Variants in DMBT1 observed in about 807,000 individuals in gnomAD.
DMBT1 encodes the protein scavenger receptor cysteine-rich domain-containing protein DMBT1.
A neutral mutation model predicts 252.9 loss-of-function variants in DMBT1; 198 were observed. The ratio of observed to expected loss-of-function variants is 0.78; its 90% confidence interval spans 0.70 to 0.88. The LOEUF (loss-of-function observed/expected upper bound fraction) is 0.88. Among genes scored for constraint, DMBT1 ranks in the 40% least tolerant of loss-of-function variants. DMBT1 has a pLI of 0.00. For missense variants in DMBT1, 2,432 were observed against 2,404.7 expected (o/e 1.01, Z -0.24); for synonymous variants, 990 against 942.7 (o/e 1.05, Z -0.92).
chr10:122,591,660 T>A, intron 19 of DMBT1, 143 bp downstream of exon 19: 5 of 988,410 alleles, frequency 5.1e-6, no homozygotes, highest in Non-Finnish European at 7.6e-6. Context: ...GTTGAGTCTC[T>A]GGGGAACCAG....
intron 9 of DMBT1, 128 bp downstream of exon 9, chr10:122,578,887 C>A: frequency 1.1e-6 from 1 of 913,476 alleles, no homozygotes; most frequent in Non-Finnish European, 1.7e-6. Context: ...AGGGTGGCAG[C>A]AGGTGATAAA....
chr10:122,592,903 G>A (rs150854563), intron 20 of DMBT1, among the ~76,000 whole-genome samples: 6 of 148,662 alleles, frequency 4.0e-5, no homozygotes, highest in Admixed American at 3.3e-4. Context: ...CAGCTGAGTA[G>A]CACTGGGTGA....
rs565855483 is a variant in DMBT1, at chr10:122,627,456, G to A, written c.5668+1491G>A. 8.6e-5 allele frequency among the ~76,000 whole-genome samples: 13 copies of A among 151,924 alleles called. No individual in the cohort carries two copies. The South Asian group carries it at 1.5e-3, about 17-fold the overall frequency. On this transcript the variant is annotated intron_variant, in intron 46 of 55. Transcript: ENST00000338354. ...TACTTTTTTCATGACCTTAAAATTA[G>A]CATTTTTATAACATTGAAATTATTT...
At position 122,579,713 on chromosome 10, in the gene DMBT1, G is replaced by A. The variant is rs2097749418; in HGVS notation, c.815G>A (p.Cys272Tyr). The A allele has an allele frequency of 2.5e-6, 4 of 1,613,884 alleles. No individual in the cohort carries two copies. The highest frequency in any genetic ancestry group is 2.5e-6 in the Non-Finnish European group (3 of 1,179,814). Reference protein sequence around the residue: ...YWDTNDANVVCRQLGCGWAMS... With the variant: ...YWDTNDANVVYRQLGCGWAMS... ...GACACCAATGATGCCAATGTGGTCT[G>A]CAGGCAGCTGGGCTGTGGCTGGGCC... The change falls in exon 10 of 56, where the codon TGC becomes TAC. Residue 272 changes from cysteine to tyrosine, a missense_variant. Transcript: ENST00000338354.
intron 6 of DMBT1, 134 bp downstream of exon 6, chr10:122,573,896 G>T: frequency 8.9e-7 from 1 of 1,124,550 alleles, no homozygotes; most frequent in Admixed American, 1.8e-5. Context: ...TTCCACAAAA[G>T]GCCTCAGGTC....
rs1037140610 is a variant in DMBT1, at chr10:122,585,421, C to T, written c.1459+112C>T. 2.2e-5 allele frequency: 29 copies of T among 1,344,670 alleles called. No homozygotes were observed. In the African/African-American group the frequency reaches 3.6e-4, roughly 17 times the overall value. The allele number at this position is 1,344,670 out of a possible 1,614,324, so 83.3% of individuals were successfully genotyped here. ...GTGGGCCCCTCTGTTTTTCATGTCC[C>T]TGTGGGTTGCATGGGAGGAAGGTAG... On this transcript the variant is annotated intron_variant, in intron 15 of 55. Coordinates refer to ENST00000338354, the MANE Select transcript of DMBT1 (RefSeq NM_001377530.1).
rs1484077425 is a variant in DMBT1 at position 122,599,930 on chromosome 10, G to A, written c.3281-134G>A. ...GTGCATCTCTGTGGGGATGTGCATGGCAATGCCCCTCCCTGTGTGATAGGA... is the reference window on the plus strand; with the variant it reads ...GTGCATCTCTGTGGGGATGTGCATGACAATGCCCCTCCCTGTGTGATAGGA... On this transcript the variant is annotated intron_variant, in intron 26 of 55. Coordinates refer to ENST00000338354, the MANE Select transcript of DMBT1 (RefSeq NM_001377530.1). The A allele has an allele frequency of 5.3e-6, 7 of 1,328,768 alleles. No individual in the cohort carries two copies. In the African/African-American group the frequency reaches 5.9e-5, roughly 11 times the overall value. The allele number at this position is 1,328,768 out of a possible 1,614,324, so 82.3% of individuals were successfully genotyped here.
chr10:122,641,145 G>C (rs745960684), intron 55 of DMBT1, among the ~76,000 whole-genome samples: 1 of 152,182 alleles, frequency 6.6e-6, no homozygotes, highest in Non-Finnish European at 1.5e-5. Flanking sequence ...GAGGTGCAGA[G>C]GTCAGGCCAG....
intron 8 of DMBT1, 98 bp from the exon 9 acceptor site, chr10:122,578,620 T>C: frequency 2.8e-6 from 3 of 1,064,326 alleles, no homozygotes; most frequent in Admixed American, 2.0e-5. Flanking sequence ...TCGAGTGGAA[T>C]TGTTTTCACA....
intron 50 of DMBT1, 130 bp downstream of exon 50, chr10:122,632,005 G>A (rs1439485973): frequency 8.4e-6 from 9 of 1,076,682 alleles, no homozygotes; most frequent in Non-Finnish European, 1.4e-6. Context: ...TACAGCCCCT[G>A]TCCCCTCCCC....
Position 122,640,122 on chromosome 10 carries a change from G to GT in DMBT1, c.7026dup (p.Ile2343TyrfsTer20). 1 of 1,614,046 alleles carries GT rather than the reference G, an allele frequency of 6.2e-7. No individual in the cohort carries two copies. Among genetic ancestry groups the GT allele is most frequent in the Non-Finnish European group, 8.5e-7 (1 of 1,179,904 alleles). On this transcript the variant is annotated frameshift_variant, in exon 55 of 56. Coordinates refer to ENST00000338354, the MANE Select transcript of DMBT1 (RefSeq NM_001377530.1). LOFTEE classifies it high-confidence loss of function. Reference sequence around the variant, plus strand: ...ATCATCAAGAGGAGGACAGACCTCCGTATTCACGTCAGCTGCAGAATGCTT... The same window carrying GT: ...ATCATCAAGAGGAGGACAGACCTCCGTTATTCACGTCAGCTGCAGAATGCTT...
rs1474245941 is a variant in DMBT1, at chr10:122,592,558, C to T, written c.2463C>T (p.Asn821=). The T allele has an allele frequency of 8.2e-6, 13 of 1,588,492 alleles. 2 individuals carry two copies. The highest frequency in any genetic ancestry group is 2.7e-5 in the African/African-American group (2 of 74,692). ...SCPHNGWLSH[N]CGHHEDAGVI... is the part of the protein sequence containing the mutation. ...CCCACAATGGCTGGCTCTCCCACAA[C>T]TGTGGCCATCATGAAGATGCTGGTG... Residue 821 remains asparagine, a synonymous_variant, in exon 20 of 56, where the codon AAC becomes AAT. Transcript: ENST00000338354.
chr10:122,631,987 C>A, intron 50 of DMBT1, 112 bp downstream of exon 50: 3 of 1,227,570 alleles, frequency 2.4e-6, no homozygotes, highest in Non-Finnish European at 2.4e-6. Context: ...ATCTGTGGTA[C>A]CATCCTCTAC....
chr10:122,622,518 G>T (rs557216534), intron 44 of DMBT1, among the ~76,000 whole-genome samples: 1 of 152,120 alleles, frequency 6.6e-6, no homozygotes, highest in Admixed American at 6.6e-5. Flanking sequence ...TATCTGTGTG[G>T]GCTTCACTAT....
intron 6 of DMBT1, among the ~76,000 whole-genome samples, chr10:122,574,144 A>T (rs1410014329): frequency 6.6e-6 from 1 of 152,186 alleles, no homozygotes; most frequent in African/African-American, 2.4e-5. Context: ...AACGTAGCCA[A>T]ATTGCTAGGA....
At chr10:122,562,744 T>A (rs2097559439) in intron 1 of DMBT1, among the ~76,000 whole-genome samples, 1 of 152,390 alleles carries the variant, frequency 6.6e-6, no homozygotes, top group Non-Finnish European at 1.5e-5. Context: ...CATGCACACA[T>A]GTGCATGCAT....
rs1376671479 is a variant in DMBT1 at position 122,597,199 on chromosome 10, A to G, written c.2917+145A>G. ...CCTGCTCTGTAACTGAGACCCTGGA[A>G]TGGCGCTTCTGAACCAGACATAGGG... On this transcript the variant is annotated intron_variant, in intron 24 of 55. Coordinates refer to ENST00000338354, the MANE Select transcript of DMBT1 (RefSeq NM_001377530.1). 5.9e-6 allele frequency: 3 copies of G among 512,236 alleles called. No individual in the cohort carries two copies. The African/African-American group carries it at 6.0e-5, about 10-fold the overall frequency. 31.7% of individuals were successfully genotyped at this position (512,236 alleles called of 1,614,324 possible). A position where few individuals can be genotyped will look rare whatever the true frequency, so the allele number is the denominator to read the frequency against.
Position 122,576,674 on chromosome 10 carries a change from C to A in DMBT1, c.559C>A (p.Leu187Ile). The change falls in exon 7 of 56, where the codon CTC (leucine) becomes ATC (isoleucine). Residue 187 changes from leucine (L) to isoleucine (I), a missense_variant. Physicochemically the swap from Leu to Ile is conservative, Grantham distance 5. This residue lies in a region of DMBT1 where 1,264 missense variants were observed against 1,082.2 expected (regional missense o/e 1.17). Coordinates refer to ENST00000338354, the MANE Select transcript of DMBT1 (RefSeq NM_001377530.1). ...GTGGAGCTGCCCCCACAATGGCTGG[C>A]TCTCCCATAACTGTGGCCATGGTGA... ...YLWSCPHNGW[L>I]SHNCGHGEDA... The A allele has an allele frequency of 6.2e-7, 1 of 1,613,808 alleles. No homozygotes were observed. The highest frequency in any genetic ancestry group is 8.5e-7 in the Non-Finnish European group (1 of 1,179,742).
rs2097912629 is a variant in DMBT1 at position 122,598,971 on chromosome 10, T to C, written c.3154T>C (p.Ser1052Pro). ...APGNARFGQG[S>P]GPIVLDDVRC... Reference sequence around the variant, plus strand: ...AGGAAATGCCCGGTTTGGTCAGGGCTCAGGACCCATTGTCCTGGATGATGT... The same window carrying C: ...AGGAAATGCCCGGTTTGGTCAGGGCCCAGGACCCATTGTCCTGGATGATGT... Residue 1052 changes from serine (S) to proline (P), a missense_variant, in exon 26 of 56, where the codon TCA becomes CCA. Physicochemically the swap from Ser to Pro is moderately conservative, Grantham distance 74. This residue lies in a region of DMBT1 where 1,264 missense variants were observed against 1,082.2 expected (regional missense o/e 1.17). Transcript: ENST00000338354. 5 of 1,613,736 alleles carry C rather than the reference T, an allele frequency of 3.1e-6. No individual in the cohort carries two copies. Among genetic ancestry groups the C allele is most frequent in the African/African-American group, 1.3e-5 (1 of 75,028 alleles).
Sources: allele counts gnomAD v4.1 joint callset (sites outside exome capture counted in the v4.1 genomes callset), GRCh38; gene constraint gnomAD v4.1.1; regional missense constraint gnomAD v4.1.1; transcripts MANE v1.5; gene names NCBI Gene and HGNC (gene_info 2026-07-23, HGNC 2026-07-21).